Variants in SLK observed in about 807,000 individuals in gnomAD.
The protein encoded by SLK is STE20 like kinase.
Under a neutral mutation model 147.7 loss-of-function variants are expected in SLK, and 67 were observed. The observed-to-expected ratio is 0.45, with a 90% CI of 0.37 to 0.56. The LOEUF (loss-of-function observed/expected upper bound fraction) is 0.56, where lower values mean the gene tolerates loss of function less well. Ranked by LOEUF, SLK falls within the 20% of genes least tolerant of loss-of-function variation. The pLI, the probability that SLK is intolerant of heterozygous loss-of-function variation, is 0.00. For synonymous variants in SLK, 441 were observed against 475.0 expected, an observed-to-expected ratio of 0.93 and a Z score of 0.93; for missense variants, 1,136 against 1,438.8, an observed-to-expected ratio of 0.79 and a Z score of 3.41.
Position 104,025,929 on chromosome 10 carries a change from A to T in SLK, c.*209A>T. On this transcript the variant is annotated 3_prime_UTR_variant, in exon 19 of 19. Coordinates refer to ENST00000369755, the MANE Select transcript of SLK (RefSeq NM_014720.4). The stretch of plus-strand genomic sequence containing the variant: ...GACAGACGCTAGGCCATGTTGGCAA[A>T]GTAGCATCTTGGTGACTAAGGTGAC... 2 of 434,070 alleles carry T rather than the reference A, an allele frequency of 4.6e-6. No individual in the cohort carries two copies. The highest frequency in any genetic ancestry group is 8.1e-6 in the Non-Finnish European group (2 of 246,626). The allele number at this position is 434,070 out of a possible 1,614,324, so 26.9% of individuals were successfully genotyped here.
chr10:104,002,271 G>A lies in SLK; in HGVS notation c.1093G>A (p.Glu365Lys), dbSNP rs1048366320. 9.3e-6 allele frequency: 15 copies of A among 1,613,302 alleles called. No homozygotes were observed. The highest frequency in any genetic ancestry group is 1.3e-5 in the Non-Finnish European group (15 of 1,179,582). The change falls in exon 9 of 19, where the codon GAA becomes AAA. Residue 365 changes from glutamate (E) to lysine (K), a missense_variant. Transcript: ENST00000369755. ...TGCTTGTATTTTGGAGTCTGTCTCA[G>A]AAAAAACAGAACGTAGTAACTCTGA... ...QNACILESVS[E>K]KTERSNSEDK...
intron 2 of SLK, among the ~76,000 whole-genome samples, chr10:103,992,141 G>GTTTTTTTTTTTTTTTTTTTTTTTTTTTT (rs56381345): frequency 3.3e-5 from 3 of 91,792 alleles, no homozygotes; most frequent in Non-Finnish European, 6.3e-5. Flanking sequence ...TATTTCTTCT[G>GTTTTTTTTTTTTTTTTTTTTTTTTTTTT]TTTTTTTTTT....
At chr10:103,996,764 G>A (rs1844181165) in intron 4 of SLK, among the ~76,000 whole-genome samples, 1 of 152,068 alleles carries the variant, frequency 6.6e-6, no homozygotes, top group Admixed American at 6.5e-5. Context: ...AAAGTTTTCT[G>A]GAGTTATAGA....
intron 18 of SLK, among the ~76,000 whole-genome samples, chr10:104,022,565 A>G (rs1187700945): frequency 6.6e-5 from 10 of 152,206 alleles, no homozygotes; most frequent in Admixed American, 6.5e-4. Flanking sequence ...GTATTTAGCT[A>G]TGTGCCAAAG....
chr10:103,993,215 T>C, intron 4 of SLK, 82 bp downstream of exon 4: 2 of 1,028,590 alleles, frequency 1.9e-6, no homozygotes, highest in Admixed American at 4.9e-5. Flanking sequence ...TGTGGTTTTA[T>C]TACTACTTAA....
chr10:104,002,977 T>A lies in SLK; in HGVS notation c.1799T>A (p.Val600Asp). The A allele has an allele frequency of 4.3e-6, 7 of 1,613,778 alleles. No homozygotes were observed. The highest frequency in any genetic ancestry group is 5.9e-6 in the Non-Finnish European group (7 of 1,179,714). ...VGPEAGGTKE[V>D]PIKEIVEMNE... is the part of the protein sequence containing the mutation. ...CCTGAGGCTGGTGGTACTAAGGAAGTTCCTATTAAAGAAATAGTTGAAATG... is the reference window on the plus strand; with the variant it reads ...CCTGAGGCTGGTGGTACTAAGGAAGATCCTATTAAAGAAATAGTTGAAATG... Residue 600 changes from valine (V) to aspartate (D), a missense_variant, in exon 9 of 19, where the codon GTT becomes GAT. By Grantham distance (152) the Val-to-Asp change is radical. Around this residue, in one of 6 missense-constraint regions of SLK, gnomAD observed 516 missense variants for 531.3 expected, o/e 0.97. Coordinates refer to ENST00000369755, the MANE Select transcript of SLK (RefSeq NM_014720.4).
chr10:103,988,916 A>G (rs1024569706), intron 1 of SLK, among the ~76,000 whole-genome samples: 10 of 152,318 alleles, frequency 6.6e-5, no homozygotes, highest in South Asian at 4.1e-4. Context: ...AACACAGCTA[A>G]TAAGTGGCAA....
intron 1 of SLK, among the ~76,000 whole-genome samples, chr10:103,979,209 G>A (rs1030551781): frequency 6.6e-6 from 1 of 152,160 alleles, no homozygotes; most frequent in Non-Finnish European, 1.5e-5. Flanking sequence ...TAGAGATGGG[G>A]TTTCGCCTTG....
intron 1 of SLK, among the ~76,000 whole-genome samples, chr10:103,977,192 A>G (rs1436250842): frequency 6.6e-6 from 1 of 152,064 alleles, no homozygotes; most frequent in Non-Finnish European, 1.5e-5. Flanking sequence ...CTTTTCATTT[A>G]TTTAATTCTT....
Position 104,005,654 on chromosome 10 carries a change from GA to G in SLK, c.2444del (p.Asp815ValfsTer20). ...VSVTTSKIVTDSDSKTEELRF... is the reference protein window; with the variant it reads ...VSVTTSKIVTXSDSKTEELRF... ...TGTAACAACATCAAAGATAGTTACA[GA>G]TAGTGATTCCAAAACTGAAGAATTG... On this transcript the variant is annotated frameshift_variant, in exon 10 of 19. Transcript: ENST00000369755. LOFTEE classifies it high-confidence loss of function. The G allele has an allele frequency of 6.2e-7, 1 of 1,610,316 alleles. No homozygotes were observed. The highest frequency in any genetic ancestry group is 1.3e-5 in the African/African-American group (1 of 74,922).
chr10:104,018,987 C>G (rs73328281), intron 15 of SLK, 79 bp downstream of exon 15: 15,150 of 1,347,912 alleles, frequency 0.011, 310 homozygotes, highest in African/African-American at 0.089. Context: ...ACTTAAGTTT[C>G]TTAGATAATG....
chr10:104,011,090 G>A (rs530096855), intron 13 of SLK, among the ~76,000 whole-genome samples, 182 bp downstream of exon 13: 67 of 152,274 alleles, frequency 4.4e-4, no homozygotes, highest in African/African-American at 1.5e-3. Flanking sequence ...TGACATTTAA[G>A]TTGCTAATAT....
chr10:103,990,858 T>C lies in SLK; in HGVS notation c.315+19T>C. 6.9e-7 allele frequency: 1 copy of C among 1,445,570 alleles called. No homozygotes were observed. The highest frequency in any genetic ancestry group is 1.5e-5 in the African/African-American group (1 of 67,560). The allele number at this position is 1,445,570 out of a possible 1,614,324, so 89.5% of individuals were successfully genotyped here. On this transcript the variant is annotated intron_variant, in intron 2 of 18. Transcript: ENST00000369755. ...TCTTTGGGTAAGTATTTTCTGTTGATCTAAAGGAGTAGCCAAAATGAGTTA... is the reference window on the plus strand; with the variant it reads ...TCTTTGGGTAAGTATTTTCTGTTGACCTAAAGGAGTAGCCAAAATGAGTTA...
At chr10:103,999,987 T>TGCTGCAGGTAAGAGAGTATGAC in intron 7 of SLK, 39 bp downstream of exon 7, 1 of 855,856 alleles carries the variant, frequency 1.2e-6, no homozygotes, top group Non-Finnish European at 1.8e-6. Context: ...ATAATTATTT[T>TGCTGCAGGTAAGAGAGTATGAC]AACATCTAAG....
At chr10:103,974,852 G>A in intron 1 of SLK, 1 of 23,316 alleles carries the variant, frequency 4.3e-5, no homozygotes, top group Non-Finnish European at 9.2e-5. Context: ...TTTTTTTTTA[G>A]TAGAGACAGG....
intron 1 of SLK, among the ~76,000 whole-genome samples, chr10:103,974,025 C>G (rs1432460881): frequency 6.6e-6 from 1 of 152,090 alleles, no homozygotes; most frequent in Non-Finnish European, 1.5e-5. Flanking sequence ...TCTTAATAGC[C>G]TTTAGGATTT....
At position 104,020,633 on chromosome 10, in the gene SLK, C is replaced by T. The variant is rs756416213; in HGVS notation, c.3447+20C>T. ...CTGCAGGTCAGATACAGAAGCCTGA[C>T]AGCAAAGCCCATAGGATGCGGCAGC... On this transcript the variant is annotated intron_variant, in intron 17 of 18. Transcript: ENST00000369755. 8.1e-6 allele frequency: 13 copies of T among 1,604,672 alleles called. No individual in the cohort carries two copies. Among genetic ancestry groups the T allele is most frequent in the Non-Finnish European group, 1.1e-5 (13 of 1,176,912 alleles).
chr10:104,011,593 G>T (rs1322714511), intron 13 of SLK, among the ~76,000 whole-genome samples: 1 of 149,932 alleles, frequency 6.7e-6, no homozygotes, highest in Admixed American at 6.7e-5. Context: ...TTGGAGTCTC[G>T]CTCTGTCTCC....
chr10:103,968,736 T>C (rs1374996998), intron 1 of SLK, among the ~76,000 whole-genome samples: 5 of 152,222 alleles, frequency 3.3e-5, no homozygotes, highest in Non-Finnish European at 5.9e-5. Flanking sequence ...AAATAACTTA[T>C]GTTTATACAG....
Sources: allele counts gnomAD v4.1 joint callset (sites outside exome capture counted in the v4.1 genomes callset), GRCh38; gene constraint gnomAD v4.1.1; regional missense constraint gnomAD v4.1.1; transcripts MANE v1.5; gene names NCBI Gene and HGNC (gene_info 2026-07-23, HGNC 2026-07-21).